HERC1: variants seen among roughly 807,000 people sequenced by gnomAD.
The protein encoded by HERC1 is probable E3 ubiquitin-protein ligase HERC1.
Under a neutral mutation model 554.3 loss-of-function variants are expected in HERC1, and 160 were observed. The ratio of observed to expected loss-of-function variants is 0.29; its 90% confidence interval spans 0.25 to 0.33. HERC1 has a LOEUF of 0.33. Among genes scored for constraint, HERC1 ranks in the 10% least tolerant of loss-of-function variants. HERC1 has a pLI of 1.00. For missense variants in HERC1, 4,919 were observed against 5,918.5 expected (o/e 0.83, Z 5.54); for synonymous variants, 2,175 against 2,131.7 (o/e 1.02, Z -0.56).
intron 12 of HERC1, among the ~76,000 whole-genome samples, chr15:63,745,121 T>C (rs536576456): frequency 2.1e-3 from 322 of 152,250 alleles, no homozygotes; most frequent in African/African-American, 7.4e-3. Flanking sequence ...CAAGATGTTA[T>C]CTAAGACACA....
At chr15:63,689,432 T>C (rs2071977119) in intron 33 of HERC1, among the ~76,000 whole-genome samples, 157 bp downstream of exon 33, 1 of 151,978 alleles carries the variant, frequency 6.6e-6, no homozygotes, top group Admixed American at 6.6e-5. Context: ...GGTTATAAGC[T>C]GAGGGGAGGG....
intron 71 of HERC1, 118 bp from the exon 72 acceptor site, chr15:63,624,445 C>T: frequency 1.1e-6 from 1 of 870,544 alleles, no homozygotes. Flanking sequence ...GCCTGTAGTC[C>T]CAGCACTTTG....
intron 3 of HERC1, among the ~76,000 whole-genome samples, chr15:63,761,379 AG>A (rs1352802015): frequency 6.6e-6 from 1 of 152,182 alleles, no homozygotes; most frequent in Non-Finnish European, 1.5e-5. Context: ...CAGGAGTTTA[AG>A]ACCAGTCTGG....
chr15:63,824,543 A>T (rs954934749), intron 1 of HERC1, among the ~76,000 whole-genome samples: 1 of 151,400 alleles, frequency 6.6e-6, no homozygotes, highest in African/African-American at 2.4e-5. Context: ...CAAAAAAAAA[A>T]AAAAAATTAA....
intron 22 of HERC1, 81 bp downstream of exon 22, chr15:63,716,221 T>C (rs2073548379): frequency 7.7e-7 from 1 of 1,293,846 alleles, no homozygotes; most frequent in Admixed American, 2.3e-5. Context: ...TGGAGAAACT[T>C]TGCCTTTCTC....
chr15:63,633,292 G>T (rs562566303), intron 67 of HERC1, among the ~76,000 whole-genome samples: 90 of 152,320 alleles, frequency 5.9e-4, no homozygotes, highest in African/African-American at 2.1e-3. Flanking sequence ...CTGAAGCTTT[G>T]TAAATCACAC....
At chr15:63,809,836 G>GT (rs2077246948) in intron 1 of HERC1, among the ~76,000 whole-genome samples, 1 of 151,278 alleles carries the variant, frequency 6.6e-6, no homozygotes. Flanking sequence ...GGGAAATGAC[G>GT]TTTTTTGTTT....
Position 63,696,167 on chromosome 15 carries a change from T to C in HERC1, c.5078A>G (p.His1693Arg), listed in dbSNP as rs768046291. 6.2e-7 allele frequency: 1 copy of C among 1,613,742 alleles called. No individual in the cohort carries two copies. The highest frequency in any genetic ancestry group is 8.5e-7 in the Non-Finnish European group (1 of 1,179,774). ...GCCACTCTCTCCCTTGCCTCCTGTGTGTCCAACAGTGCCTAAACCAAAACA... is the reference window on the plus strand; with the variant it reads ...GCCACTCTCTCCCTTGCCTCCTGTGCGTCCAACAGTGCCTAAACCAAAACA... ...AGCFGLGTVG[H>R]TGGKGESGRL... The change falls in exon 27 of 78, where the codon CAC becomes CGC. Residue 1693 changes from histidine (H) to arginine (R), a missense_variant. Physicochemically the swap from His to Arg is conservative, Grantham distance 29 (BLOSUM62 0). Around this residue, in one of 11 missense-constraint regions of HERC1, gnomAD observed 1,121 missense variants for 1,244.0 expected, o/e 0.90. Transcript: ENST00000443617.
intron 27 of HERC1, among the ~76,000 whole-genome samples, chr15:63,695,532 G>A (rs1043570696): frequency 2.0e-5 from 3 of 151,652 alleles, no homozygotes; most frequent in African/African-American, 2.4e-5. Flanking sequence ...GATTACAGGC[G>A]CCCACCACCA....
chr15:63,737,902 A>G (rs1473951240), intron 12 of HERC1, among the ~76,000 whole-genome samples: 4 of 152,172 alleles, frequency 2.6e-5, no homozygotes, highest in African/African-American at 9.7e-5. Flanking sequence ...TCTTACTGAA[A>G]AATGATTTCC....
intron 1 of HERC1, 74 bp downstream of exon 1, chr15:63,833,753 G>GCACACACACACACACACA (rs778263359): frequency 5.4e-4 from 25 of 46,490 alleles, no homozygotes; most frequent in African/African-American, 9.6e-4. Flanking sequence ...ACGCGCGCGC[G>GCACACACACACACACACA]CACACACACA....
At chr15:63,621,685 G>A (rs576366624) in intron 74 of HERC1, among the ~76,000 whole-genome samples, 94 of 151,764 alleles carry the variant, frequency 6.2e-4, no homozygotes, top group African/African-American at 2.2e-3. Context: ...GGCTTTGTTC[G>A]TTTCTTTTTA....
intron 12 of HERC1, among the ~76,000 whole-genome samples, chr15:63,739,565 G>A (rs1008077348): frequency 3.9e-5 from 6 of 151,970 alleles, no homozygotes; most frequent in Non-Finnish European, 7.4e-5. Flanking sequence ...CAGGCCGAGC[G>A]CGGTGGCTCA....
intron 1 of HERC1, among the ~76,000 whole-genome samples, chr15:63,784,651 A>G (rs1596246821): frequency 6.6e-6 from 1 of 151,790 alleles, no homozygotes; most frequent in Non-Finnish European, 1.5e-5. Context: ...TCTGTCACCC[A>G]GGCTGGAGTG....
rs563606151 is a variant in HERC1, at chr15:63,678,221, A to C, written c.6694T>G (p.Cys2232Gly). The C allele has an allele frequency of 6.9e-5, 112 of 1,613,854 alleles. 2 individuals carry two copies. In the South Asian group the frequency reaches 1.2e-3, roughly 17 times the overall value. ...CTTTCCATCATTTTTTTGTTAATGC[A>C]GTAAGTCCAACGGTCTGTTCGGTGA... Reference protein sequence around the residue: ...ILHRTDRWTYCINKKMMERLH... With the variant: ...ILHRTDRWTYGINKKMMERLH... Residue 2232 changes from cysteine (C) to glycine (G), a missense_variant, in exon 37 of 78, where the codon TGC becomes GGC. By Grantham distance (159) the Cys-to-Gly change is radical. Transcript: ENST00000443617.
chr15:63,636,220 C>A, intron 64 of HERC1, 78 bp from the exon 65 acceptor site: 1 of 1,299,054 alleles, frequency 7.7e-7, no homozygotes, highest in Admixed American at 2.2e-5. Context: ...TACTGAATAC[C>A]CTCAATCAAA....
In HERC1 at chr15:63,640,226, C is replaced by T; in HGVS notation, c.11827G>A (p.Gly3943Arg). ...TIKAAEALTNGAQFPESFTVP... is the reference protein window; with the variant it reads ...TIKAAEALTNRAQFPESFTVP... ...GTAAAAGATTCTGGAAACTGGGCTC[C>T]ATTGGTCAGGGCTTCGGCAGCTTTT... is the stretch of plus-strand genomic sequence containing the variant. The change falls in exon 61 of 78, where the codon GGA becomes AGA. Residue 3943 changes from glycine (G) to arginine (R), a missense_variant. Around this residue, in one of 11 missense-constraint regions of HERC1, gnomAD observed 1,963 missense variants for 2,228.6 expected, o/e 0.88. Coordinates refer to ENST00000443617, the MANE Select transcript of HERC1 (RefSeq NM_003922.4). 6.2e-7 allele frequency: 1 copy of T among 1,613,950 alleles called. No homozygotes were observed. The highest frequency in any genetic ancestry group is 8.5e-7 in the Non-Finnish European group (1 of 1,179,844).
chr15:63,806,782 C>A, intron 1 of HERC1, among the ~76,000 whole-genome samples: 1 of 152,232 alleles, frequency 6.6e-6, no homozygotes, highest in East Asian at 1.9e-4. Context: ...ATTGCCCCCA[C>A]CCACTCCGAG....
At chr15:63,789,078 GTTT>G (rs71131178) in intron 1 of HERC1, among the ~76,000 whole-genome samples, 2,113 of 83,550 alleles carry the variant, frequency 0.025, 89 homozygotes, top group African/African-American at 0.096. Flanking sequence ...GGAATAAAAG[GTTT>G]TTTTTTTTTT....
Sources: allele counts gnomAD v4.1 joint callset (sites outside exome capture counted in the v4.1 genomes callset), GRCh38; gene constraint gnomAD v4.1.1; regional missense constraint gnomAD v4.1.1; transcripts MANE v1.5; gene names NCBI Gene and HGNC (gene_info 2026-07-23, HGNC 2026-07-21).